Variants in CD86 observed in about 807,000 individuals in gnomAD.
The protein encoded by CD86 is CD86 molecule, also known as T-lymphocyte activation antigen CD86.
A neutral mutation model predicts 32.1 loss-of-function variants in CD86; 11 were observed. The ratio of observed to expected loss-of-function variants is 0.34; its 90% confidence interval spans 0.22 to 0.57. CD86 has a LOEUF of 0.57. Among genes scored for constraint, CD86 ranks in the 20% least tolerant of loss-of-function variants. The pLI, the probability that CD86 is intolerant of heterozygous loss-of-function variation, is 0.86. For missense variants in CD86, 359 were observed against 398.4 expected (o/e 0.90, Z 0.84); for synonymous variants, 137 against 135.3 (o/e 1.01, Z -0.09).
chr3:122,091,615 G>T lies in CD86; in HGVS notation c.29G>T (p.Ser10Ile). The change falls in exon 2 of 7, where the codon AGT becomes ATT. Residue 10 changes from serine to isoleucine, a missense_variant. Ser to Ile is a moderately radical substitution (Grantham distance 142). Coordinates refer to ENST00000330540, the MANE Select transcript of CD86 (RefSeq NM_175862.5). MDPQCTMGL[S>I]NILFVMAFLL... ...CTCGACTCTAGCACTATGGGACTGA[G>T]TAACATTCTCTTTGTGATGGCCTTC... The T allele has an allele frequency of 6.2e-7, 1 of 1,612,666 alleles. No homozygotes were observed. Among genetic ancestry groups the T allele is most frequent in the Non-Finnish European group, 8.5e-7 (1 of 1,178,946 alleles).
At chr3:122,107,690 C>G (rs982488362) in intron 4 of CD86, among the ~76,000 whole-genome samples, 3 of 152,186 alleles carry the variant, frequency 2.0e-5, no homozygotes, top group Admixed American at 6.5e-5. Flanking sequence ...GGCTTGCCCC[C>G]TCCAGTGACA....
chr3:122,109,530 A>G (rs1423285388), intron 5 of CD86, 122 bp downstream of exon 5: 4 of 1,143,414 alleles, frequency 3.5e-6, no homozygotes, highest in Non-Finnish European at 5.2e-6. Flanking sequence ...GTTGTTGGGA[A>G]AAAAGGTTTT....
At chr3:122,102,406 CTT>C (rs1011413952) in intron 2 of CD86, among the ~76,000 whole-genome samples, 5 of 56,132 alleles carry the variant, frequency 8.9e-5, no homozygotes, top group African/African-American at 1.7e-4. Flanking sequence ...CCACTGCTTA[CTT>C]TTTTTTTTTT....
At chr3:122,070,784 T>C (rs1481708969) in intron 1 of CD86, among the ~76,000 whole-genome samples, 1 of 152,212 alleles carries the variant, frequency 6.6e-6, no homozygotes, top group Non-Finnish European at 1.5e-5. Context: ...GCAGCAACGT[T>C]CTATGTATAG....
chr3:122,101,513 A>AATATATATATATATAT (rs58001956), intron 2 of CD86, among the ~76,000 whole-genome samples: 16 of 46,294 alleles, frequency 3.5e-4, no homozygotes, highest in African/African-American at 9.4e-4. Flanking sequence ...AAAAAAAAAA[A>AATATATATATATATAT]ATATATATAT....
intron 2 of CD86, among the ~76,000 whole-genome samples, chr3:122,098,810 G>C (rs769751667): frequency 6.6e-6 from 1 of 151,760 alleles, no homozygotes; most frequent in Non-Finnish European, 1.5e-5. Flanking sequence ...TGGGTATTTT[G>C]GGTACACAAA....
chr3:122,062,943 A>G (rs1331324063), intron 1 of CD86, among the ~76,000 whole-genome samples: 2 of 152,134 alleles, frequency 1.3e-5, no homozygotes, highest in Admixed American at 6.5e-5. Context: ...ACTCTTACCT[A>G]TAACCTAGAA....
intron 1 of CD86, among the ~76,000 whole-genome samples, chr3:122,080,550 T>C (rs2107516152): frequency 6.6e-6 from 1 of 152,290 alleles, no homozygotes; most frequent in Middle Eastern, 3.4e-3. Flanking sequence ...CTCTGCTCCT[T>C]CTAAATCTGC....
At chr3:122,114,525 C>G (rs2107549245) in intron 5 of CD86, among the ~76,000 whole-genome samples, 1 of 152,228 alleles carries the variant, frequency 6.6e-6, no homozygotes, top group Middle Eastern at 3.4e-3. Context: ...GTCCAGGCCC[C>G]TCTGAAGGCA....
At chr3:122,110,887 T>C (rs2073161952) in intron 5 of CD86, among the ~76,000 whole-genome samples, 1 of 152,166 alleles carries the variant, frequency 6.6e-6, no homozygotes, top group South Asian at 2.1e-4. Flanking sequence ...AGATTTTTCT[T>C]CACATTAGAA....
intron 1 of CD86, among the ~76,000 whole-genome samples, chr3:122,069,889 A>C (rs1194404186): frequency 6.6e-6 from 1 of 152,172 alleles, no homozygotes; most frequent in African/African-American, 2.4e-5. Context: ...AGCTCTGTCC[A>C]TCCTTCTCAT....
chr3:122,064,085 A>C (rs999564215), intron 1 of CD86, among the ~76,000 whole-genome samples: 1 of 152,084 alleles, frequency 6.6e-6, no homozygotes, highest in Non-Finnish European at 1.5e-5. Flanking sequence ...GGGGAAGGGA[A>C]AGTGTCTTTT....
intron 1 of CD86, among the ~76,000 whole-genome samples, chr3:122,080,881 T>A (rs1169985659): frequency 6.6e-6 from 1 of 152,068 alleles, no homozygotes; most frequent in Non-Finnish European, 1.5e-5. Context: ...GTGTTCATGT[T>A]CCATCGAGGC....
At chr3:122,116,632 A>G (rs921089146) in intron 5 of CD86, among the ~76,000 whole-genome samples, 1 of 151,406 alleles carries the variant, frequency 6.6e-6, no homozygotes, top group African/African-American at 2.5e-5. Flanking sequence ...AGCTTGCTTC[A>G]TAATACCAAA....
At chr3:122,116,925 A>G (rs1201030333) in intron 5 of CD86, among the ~76,000 whole-genome samples, 2 of 152,196 alleles carry the variant, frequency 1.3e-5, no homozygotes, top group East Asian at 3.8e-4. Context: ...GCTTATAAAA[A>G]TGTTCTCGAT....
At chr3:122,118,929 A>C (rs915301923) in intron 6 of CD86, among the ~76,000 whole-genome samples, 2 of 152,336 alleles carry the variant, frequency 1.3e-5, no homozygotes, top group Admixed American at 6.5e-5. Flanking sequence ...TTAAGCTCTC[A>C]GGAATATCAA....
rs2072741963 is a variant in CD86 at position 122,087,440 on chromosome 3, C to T, written c.15-4161C>T. 5.9e-5 allele frequency among the ~76,000 whole-genome samples: 9 copies of T among 152,224 alleles called. No individual in the cohort carries two copies. The South Asian group carries it at 1.9e-3, about 32-fold the overall frequency. On this transcript the variant is annotated intron_variant, in intron 1 of 6. Transcript: ENST00000330540. ...CATTCCTGAGGGAGTGGGGACATTTCTACACTTCTTCACGGCCAATGACAT... is the reference window on the plus strand; with the variant it reads ...CATTCCTGAGGGAGTGGGGACATTTTTACACTTCTTCACGGCCAATGACAT...
intron 1 of CD86, among the ~76,000 whole-genome samples, chr3:122,060,645 A>T (rs541328868): frequency 1.1e-4 from 17 of 150,932 alleles, no homozygotes; most frequent in South Asian, 6.3e-4. Flanking sequence ...AATTTAAATT[A>T]AAAAAAAAGG....
intron 1 of CD86, among the ~76,000 whole-genome samples, chr3:122,067,592 C>T (rs1041078820): frequency 1.3e-5 from 2 of 152,210 alleles, no homozygotes; most frequent in Non-Finnish European, 2.9e-5. Context: ...AACTCAAATG[C>T]AATATTTTAT....
Sources: allele counts gnomAD v4.1 joint callset (sites outside exome capture counted in the v4.1 genomes callset), GRCh38; gene constraint gnomAD v4.1.1; transcripts MANE v1.5; gene names NCBI Gene and HGNC (gene_info 2026-07-23, HGNC 2026-07-21).